The following GRM7 variants were observed in gnomAD, a reference collection of about 807,000 sequenced individuals.
GRM7 encodes glutamate metabotropic receptor 7.
A neutral mutation model predicts 84.5 loss-of-function variants in GRM7; 35 were observed. That is an observed-to-expected ratio of 0.41 (90% CI 0.32 to 0.55). The LOEUF is 0.55. Among genes scored for constraint, GRM7 ranks in the 20% least tolerant of loss-of-function variants. The probability of loss-of-function intolerance (pLI) is 0.19; values close to 1 mark genes in which losing one functional copy is unlikely to be tolerated. For synonymous variants in GRM7, 487 were observed against 455.1 expected (o/e 1.07, Z -0.89); for missense variants, 1,003 against 1,194.6 (o/e 0.84, Z 2.36).
chr3:7,489,897 T>C (rs1271676456), intron 7 of GRM7, among the ~76,000 whole-genome samples: 5 of 151,704 alleles, frequency 3.3e-5, no homozygotes, highest in Non-Finnish European at 5.9e-5. Flanking sequence ...TTCATTAATT[T>C]ATGATATTAT....
chr3:7,735,547 T>C (rs1398728739), intron 9 of GRM7, among the ~76,000 whole-genome samples: 1 of 152,172 alleles, frequency 6.6e-6, no homozygotes, highest in African/African-American at 2.4e-5. Flanking sequence ...GCTCAGAATA[T>C]AGCCCAACAC....
intron 8 of GRM7, among the ~76,000 whole-genome samples, chr3:7,646,129 G>A (rs768702403): frequency 1.1e-4 from 16 of 152,274 alleles, no homozygotes; most frequent in South Asian, 8.3e-4. Flanking sequence ...TGGCGGTCAC[G>A]CCGGTTTTTT....
chr3:7,046,770 C>T (rs758359757), intron 1 of GRM7, among the ~76,000 whole-genome samples: 14 of 152,006 alleles, frequency 9.2e-5, no homozygotes, highest in Non-Finnish European at 1.5e-4. Flanking sequence ...TGATGGATAG[C>T]GCTTCAGTTT....
chr3:6,894,819 A>G (rs1020579945), intron 1 of GRM7, among the ~76,000 whole-genome samples: 1 of 152,186 alleles, frequency 6.6e-6, no homozygotes, highest in Non-Finnish European at 1.5e-5. Context: ...ATAATTAAAC[A>G]TGCAGTTGTA....
intron 1 of GRM7, among the ~76,000 whole-genome samples, chr3:7,016,528 T>C (rs1291533893): frequency 6.6e-6 from 1 of 152,120 alleles, no homozygotes; most frequent in Non-Finnish European, 1.5e-5. Context: ...TTTCAGCAGC[T>C]CCTTTTCTGA....
In GRM7 at chr3:7,188,283, T is replaced by C. The variant is rs967785844; in HGVS notation, c.736+41615T>C. ...TCCAGGCAGAGAACTTTATAGCTTA[T>C]AAAATAGAAATTATAGACCCAAAGA... On this transcript the variant is annotated intron_variant, in intron 2 of 9. Transcript: ENST00000357716. This position sits in a 1 kb window ranked among gnomAD's most constrained non-coding sequence, Gnocchi z 4.2. 6.6e-6 allele frequency among the ~76,000 whole-genome samples: 1 copy of C among 152,122 alleles called. No individual in the cohort carries two copies. The highest frequency in any genetic ancestry group is 2.4e-5 in the African/African-American group (1 of 41,430).
chr3:7,313,706 C>T (rs1278361488), intron 4 of GRM7, among the ~76,000 whole-genome samples: 1 of 152,014 alleles, frequency 6.6e-6, no homozygotes, highest in Non-Finnish European at 1.5e-5. Context: ...ATATATATCC[C>T]TATATTTATC....
At chr3:7,035,138 T>C (rs1004403692) in intron 1 of GRM7, among the ~76,000 whole-genome samples, 3 of 152,094 alleles carry the variant, frequency 2.0e-5, no homozygotes, top group Non-Finnish European at 4.4e-5. Flanking sequence ...TGGTTTACCC[T>C]GTGGTAGGAA....
intron 1 of GRM7, among the ~76,000 whole-genome samples, chr3:6,913,946 C>T (rs1359795152): frequency 6.6e-6 from 1 of 152,186 alleles, no homozygotes; most frequent in Non-Finnish European, 1.5e-5. Context: ...ATTCAGGATA[C>T]TACATACTCC....
chr3:7,484,690 G>A (rs747826204), intron 7 of GRM7, among the ~76,000 whole-genome samples: 2 of 152,126 alleles, frequency 1.3e-5, no homozygotes, highest in Non-Finnish European at 2.9e-5. Flanking sequence ...AAATGTGCCT[G>A]GTATTAGTAT....
intron 9 of GRM7, among the ~76,000 whole-genome samples, chr3:7,711,057 T>C (rs1411679447): frequency 6.6e-6 from 1 of 152,204 alleles, no homozygotes; most frequent in Non-Finnish European, 1.5e-5. Flanking sequence ...TTTCATTTAT[T>C]CAACCCATCA....
chr3:7,545,527 A>G (rs967559084), intron 7 of GRM7, among the ~76,000 whole-genome samples: 1 of 152,204 alleles, frequency 6.6e-6, no homozygotes, highest in African/African-American at 2.4e-5. Context: ...ACCTTGCACA[A>G]TGCAGTAGTG....
intron 2 of GRM7, among the ~76,000 whole-genome samples, chr3:7,285,320 C>G (rs1231737293): frequency 6.6e-6 from 1 of 152,044 alleles, no homozygotes; most frequent in East Asian, 1.9e-4. Context: ...TTAGTTATTT[C>G]TTTTTAAAAC....
At chr3:7,345,524 T>C (rs1475624346) in intron 4 of GRM7, among the ~76,000 whole-genome samples, 1 of 152,128 alleles carries the variant, frequency 6.6e-6, no homozygotes, top group Non-Finnish European at 1.5e-5. Context: ...CGTCAAGTGA[T>C]CTGTCAGCCT....
intron 1 of GRM7, among the ~76,000 whole-genome samples, chr3:7,103,823 TCTCTCTGTCTCTCTCTCC>T (rs1699205257): frequency 7.6e-6 from 1 of 131,724 alleles, no homozygotes; most frequent in African/African-American, 3.6e-5. Context: ...TCTTTCTCTC[TCTCTCTGTCTCTCTCTCC>T]CTCTCTCTCT....
chr3:7,110,219 A>G (rs773043701), intron 1 of GRM7, among the ~76,000 whole-genome samples: 1 of 152,106 alleles, frequency 6.6e-6, no homozygotes, highest in Non-Finnish European at 1.5e-5. Context: ...AACTTCTTAA[A>G]GCCTTTAATG....
intron 7 of GRM7, among the ~76,000 whole-genome samples, chr3:7,494,143 A>G (rs1699617982): frequency 6.6e-6 from 1 of 152,124 alleles, no homozygotes; most frequent in Non-Finnish European, 1.5e-5. Flanking sequence ...CTTTCTGTTT[A>G]AAGAGCTCTC....
chr3:7,405,569 T>C (rs712772), intron 4 of GRM7, among the ~76,000 whole-genome samples: 24,308 of 152,132 alleles, frequency 0.16, 2,060 homozygotes, highest in East Asian at 0.36. Context: ...CGGATAGTTA[T>C]AAATAATAGA....
chr3:6,922,912 T>C (rs73124783), intron 1 of GRM7, among the ~76,000 whole-genome samples: 19,168 of 152,180 alleles, frequency 0.13, 2,506 homozygotes, highest in East Asian at 0.35. Context: ...GAAGAGAAAA[T>C]AGGAGAACTG....
Sources: gnomAD v4.1 joint callset for allele counts (sites outside exome capture counted in the v4.1 genomes callset) on GRCh38, gnomAD v4.1.1 for gene constraint, Gnocchi (gnomAD v3.1) non-coding constraint, MANE v1.5 for transcripts, NCBI Gene and HGNC (gene_info 2026-07-23, HGNC 2026-07-21) for gene names.